Variants in RGS6 observed in about 807,000 individuals in gnomAD.
RGS6 encodes the protein regulator of G protein signaling 6, also known as regulator of G-protein signaling 6.
A neutral mutation model predicts 78.5 loss-of-function variants in RGS6; 30 were observed. The ratio of observed to expected loss-of-function variants is 0.38; its 90% confidence interval spans 0.29 to 0.52. The LOEUF (loss-of-function observed/expected upper bound fraction) is 0.52, where lower values mean the gene tolerates loss of function less well. Ranked by LOEUF, RGS6 falls within the 20% of genes least tolerant of loss-of-function variation. The pLI is 0.85. For missense variants in RGS6, 495 were observed against 609.7 expected, an observed-to-expected ratio of 0.81 and a Z score of 1.98; for synonymous variants, 206 against 206.0, an observed-to-expected ratio of 1.00 and a Z score of 0.00.
At chr14:71,873,994 G>T in the RGS6 span, among the ~76,000 whole-genome samples, 1 of 152,044 alleles carries the variant, frequency 6.6e-6, no homozygotes, top group African/African-American at 2.4e-5. Flanking sequence ...CTGTTCCATT[G>T]GTCTATATCT....
chr14:71,944,308 T>C (rs2091135832), intron 1 of RGS6, among the ~76,000 whole-genome samples: 1 of 152,156 alleles, frequency 6.6e-6, no homozygotes, highest in Non-Finnish European at 1.5e-5. Context: ...ATTATGCCCA[T>C]TTTATAGATG....
intron 2 of RGS6, among the ~76,000 whole-genome samples, chr14:72,116,523 C>A (rs778822604): frequency 6.6e-6 from 1 of 151,568 alleles, no homozygotes; most frequent in Non-Finnish European, 1.5e-5. Flanking sequence ...TCATCCCCAT[C>A]CCCGCTGCAG....
At chr14:72,059,370 C>T (rs2093777467) in intron 2 of RGS6, among the ~76,000 whole-genome samples, 1 of 152,182 alleles carries the variant, frequency 6.6e-6, no homozygotes, top group South Asian at 2.1e-4. Flanking sequence ...GGAACAAGAG[C>T]AGGGACTTTG....
At chr14:72,267,336 T>A (rs1213607097) in intron 2 of RGS6, among the ~76,000 whole-genome samples, 1 of 137,368 alleles carries the variant, frequency 7.3e-6, no homozygotes, top group African/African-American at 2.5e-5. Context: ...GACATGCAAA[T>A]TTCAGTGTCC....
chr14:72,171,529 A>G (rs2097018569), intron 2 of RGS6, among the ~76,000 whole-genome samples: 1 of 152,188 alleles, frequency 6.6e-6, no homozygotes, highest in Admixed American at 6.5e-5. Flanking sequence ...ACCAAATTTT[A>G]ACTTTCCTTC....
intron 2 of RGS6, among the ~76,000 whole-genome samples, chr14:72,070,140 CTCTCTCTCTG>C (rs1190036038): frequency 2.0e-5 from 3 of 152,104 alleles, no homozygotes; most frequent in Non-Finnish European, 2.9e-5. Context: ...ATTTCTCTCT[CTCTCTCTCTG>C]TCTCTCTCTG....
chr14:72,221,965 C>G (rs1357658419), intron 2 of RGS6, among the ~76,000 whole-genome samples: 1 of 152,226 alleles, frequency 6.6e-6, no homozygotes, highest in East Asian at 1.9e-4. Flanking sequence ...AACATGTCCA[C>G]TTCATCCCTA....
chr14:72,039,532 G>T (rs1481392451), intron 2 of RGS6, among the ~76,000 whole-genome samples: 4 of 152,046 alleles, frequency 2.6e-5, no homozygotes, highest in Non-Finnish European at 5.9e-5. Context: ...TGGTTACTAT[G>T]TGCATGGAAT....
intron 17 of RGS6, chr14:72,547,169 C>G: frequency 6.5e-7 from 1 of 1,534,632 alleles, no homozygotes; most frequent in Non-Finnish European, 8.7e-7. Context: ...CAGAGCCTGC[C>G]TCAGTCCTGT....
At chr14:71,882,650 A>G in the RGS6 span, among the ~76,000 whole-genome samples, 1 of 152,196 alleles carries the variant, frequency 6.6e-6, no homozygotes, top group Non-Finnish European at 1.5e-5. Flanking sequence ...ATAGCATTAC[A>G]ATGGTTCTTG....
chr14:72,536,181 C>T lies in RGS6; in HGVS notation c.1279-5C>T. ...CTTGTGTCTCCTTGTCACCTTCCTC[C>T]CCAGGAGCACATCTACAAGCTGATG... On this transcript the variant is annotated splice_region_variant and splice_polypyrimidine_tract_variant and intron_variant, in intron 15 of 17. Transcript: ENST00000553525. 1 of 1,611,476 alleles carries T rather than the reference C, an allele frequency of 6.2e-7. No homozygotes were observed. Among genetic ancestry groups the T allele is most frequent in the East Asian group, 2.2e-5 (1 of 44,836 alleles).
chr14:72,024,892 A>C (rs1200041432), intron 2 of RGS6, among the ~76,000 whole-genome samples: 1 of 152,222 alleles, frequency 6.6e-6, no homozygotes, highest in Non-Finnish European at 1.5e-5. Flanking sequence ...GTCCTATAGA[A>C]GGAGGACAGT....
At position 72,379,590 on chromosome 14, in the gene RGS6, T is replaced by TA. The variant is rs376166377; in HGVS notation, c.184+27404dup. Among the ~76,000 whole-genome samples, 8 of 151,706 alleles carry TA rather than the reference T, an allele frequency of 5.3e-5. No homozygotes were observed. The East Asian group carries it at 9.7e-4, about 18-fold the overall frequency. On this transcript the variant is annotated intron_variant, in intron 3 of 17. Coordinates refer to ENST00000553525, the MANE Select transcript of RGS6 (RefSeq NM_001204424.2). ...CAATCCTACTTACAATAGTTACATT[T>TA]AAAAAAAACCTAGGAATAAACTTAA...
intron 2 of RGS6, among the ~76,000 whole-genome samples, chr14:72,182,193 C>T (rs1485228141): frequency 2.0e-5 from 3 of 151,904 alleles, no homozygotes; most frequent in Non-Finnish European, 4.4e-5. Flanking sequence ...GCGGATCATG[C>T]GGTCAAGAGA....
At chr14:72,540,604 G>A (rs756644825) in intron 17 of RGS6, 44 of 1,481,914 alleles carry the variant, frequency 3.0e-5, no homozygotes, top group South Asian at 1.5e-4. Flanking sequence ...GAAAGCGGCC[G>A]TGCTGCATGG....
intron 2 of RGS6, among the ~76,000 whole-genome samples, chr14:72,239,356 C>T (rs943471320): frequency 1.3e-5 from 2 of 152,162 alleles, no homozygotes; most frequent in Non-Finnish European, 2.9e-5. Context: ...TCTTAATGCA[C>T]CTGCCCAGGA....
intron 2 of RGS6, among the ~76,000 whole-genome samples, chr14:72,015,200 C>T (rs2086691987): frequency 6.6e-6 from 1 of 152,142 alleles, no homozygotes; most frequent in Admixed American, 6.5e-5. Context: ...CCAGTGTGAG[C>T]AGATCACATT....
At chr14:72,193,990 A>C (rs1567433473) in intron 2 of RGS6, among the ~76,000 whole-genome samples, 1 of 152,146 alleles carries the variant, frequency 6.6e-6, no homozygotes, top group Non-Finnish European at 1.5e-5. Flanking sequence ...TATGCTTTAA[A>C]GGGACCATTC....
chr14:72,374,102 T>A (rs976599029), intron 3 of RGS6, among the ~76,000 whole-genome samples: 4 of 152,222 alleles, frequency 2.6e-5, no homozygotes, highest in South Asian at 2.1e-4. Context: ...TTTCTTTTTT[T>A]AAAATACTTT....
Sources: gnomAD v4.1 joint callset for allele counts (sites outside exome capture counted in the v4.1 genomes callset) on GRCh38, gnomAD v4.1.1 for gene constraint, MANE v1.5 for transcripts, NCBI Gene and HGNC (gene_info 2026-07-23, HGNC 2026-07-21) for gene names.